CSMD1: variants seen among roughly 807,000 people sequenced by gnomAD.
The protein encoded by CSMD1 is CUB and Sushi multiple domains 1.
CSMD1 carries 213 observed loss-of-function variants against 417.5 expected under a neutral mutation model. The ratio of observed to expected loss-of-function variants is 0.51; its 90% CI spans 0.46 to 0.57. CSMD1 has a LOEUF of 0.57. Among genes scored for constraint, CSMD1 ranks in the 20% least tolerant of loss-of-function variants. CSMD1 has a pLI of 0.00. For synonymous variants in CSMD1, 2,862 were observed against 1,736.8 expected, an observed-to-expected ratio of 1.65 and a Z score of -16.11; for missense variants, 6,923 against 4,529.7, an observed-to-expected ratio of 1.53 and a Z score of -15.17.
At chr8:3,954,452 C>T (rs1017863934) in intron 5 of CSMD1, among the ~76,000 whole-genome samples, 2 of 152,110 alleles carry the variant, frequency 1.3e-5, no homozygotes, top group Non-Finnish European at 2.9e-5. Flanking sequence ...CTGCAACCTC[C>T]TCCTCCCGGG....
intron 1 of CSMD1, among the ~76,000 whole-genome samples, chr8:4,966,478 C>A (rs1809865301): frequency 6.6e-6 from 1 of 152,150 alleles, no homozygotes; most frequent in Non-Finnish European, 1.5e-5. Flanking sequence ...TTCCAGATCT[C>A]AATGGGACAC....
intron 1 of CSMD1, among the ~76,000 whole-genome samples, chr8:4,991,612 G>A (rs997830901): frequency 8.5e-5 from 13 of 152,136 alleles, no homozygotes; most frequent in Non-Finnish European, 1.5e-4. Context: ...GCTCCTCCCC[G>A]GGAAAGCCCT....
At chr8:4,056,358 T>G (rs1194590669) in intron 3 of CSMD1, among the ~76,000 whole-genome samples, 2 of 151,582 alleles carry the variant, frequency 1.3e-5, no homozygotes, top group Non-Finnish European at 2.9e-5. Flanking sequence ...GCTGGGATTA[T>G]AGGCATGAGC....
chr8:4,290,447 T>C (rs1797298301), intron 3 of CSMD1, among the ~76,000 whole-genome samples: 1 of 152,172 alleles, frequency 6.6e-6, no homozygotes, highest in African/African-American at 2.4e-5. Flanking sequence ...CATGCTGTTC[T>C]ATGGGCAATT....
chr8:3,940,852 A>T lies in CSMD1; in HGVS notation c.818+57051T>A, dbSNP rs181703330. ...ACTTAACCCAAGAAGTTTATTAAAAACTAATCATACGCTTCTTCCTTATGC... is the reference window on the plus strand; with the variant it reads ...ACTTAACCCAAGAAGTTTATTAAAATCTAATCATACGCTTCTTCCTTATGC... On this transcript the variant is annotated intron_variant, in intron 5 of 69. Coordinates refer to ENST00000635120, the MANE Select transcript of CSMD1 (RefSeq NM_033225.6). Among the ~76,000 whole-genome samples, 19 of 149,432 alleles carry T rather than the reference A, an allele frequency of 1.3e-4. No homozygotes were observed. The South Asian group carries it at 2.8e-3, about 22-fold the overall frequency.
chr8:3,377,555 C>G (rs765963088), intron 18 of CSMD1, among the ~76,000 whole-genome samples: 6 of 152,142 alleles, frequency 3.9e-5, no homozygotes, highest in Non-Finnish European at 8.8e-5. Context: ...CCTATTGGCT[C>G]TTTTTGGTCT....
intron 31 of CSMD1, among the ~76,000 whole-genome samples, chr8:3,203,273 C>T (rs918689512): frequency 6.6e-6 from 1 of 152,068 alleles, no homozygotes; most frequent in Non-Finnish European, 1.5e-5. Context: ...TGGACATGGC[C>T]CCAACGTCTT....
intron 3 of CSMD1, among the ~76,000 whole-genome samples, chr8:4,403,230 T>C (rs918271430): frequency 6.6e-6 from 1 of 152,182 alleles, no homozygotes. Flanking sequence ...TATGAGAATA[T>C]AAAGATCATT....
At chr8:4,863,104 C>T (rs1289068281) in intron 1 of CSMD1, among the ~76,000 whole-genome samples, 1 of 151,880 alleles carries the variant, frequency 6.6e-6, no homozygotes, top group African/African-American at 2.4e-5. Context: ...AGCTCAGTGG[C>T]TAGGATCATG....
At chr8:3,762,153 TC>T (rs1472630576) in intron 5 of CSMD1, among the ~76,000 whole-genome samples, 1 of 152,040 alleles carries the variant, frequency 6.6e-6, no homozygotes, top group African/African-American at 2.4e-5. Context: ...ATCGCCCCCA[TC>T]CCCTGCTTTC....
chr8:4,379,909 G>A (rs1022842879), intron 3 of CSMD1, among the ~76,000 whole-genome samples: 9 of 152,176 alleles, frequency 5.9e-5, no homozygotes, highest in South Asian at 2.1e-4. Flanking sequence ...CACACTGGAC[G>A]TGAACTCCAT....
At chr8:3,611,658 A>G (rs1000386023) in intron 8 of CSMD1, among the ~76,000 whole-genome samples, 2 of 152,128 alleles carry the variant, frequency 1.3e-5, no homozygotes, top group African/African-American at 4.8e-5. Context: ...TATCATCATG[A>G]GTTTGACAGT....
At chr8:4,770,407 A>C (rs370735285) in intron 1 of CSMD1, among the ~76,000 whole-genome samples, 1 of 149,664 alleles carries the variant, frequency 6.7e-6, no homozygotes, top group East Asian at 1.9e-4. Context: ...TATTATATAT[A>C]TTTCCTAATT....
chr8:3,408,225 A>T lies in CSMD1; in HGVS notation c.1745T>A (p.Phe582Tyr). The change falls in exon 14 of 70, where the codon TTT becomes TAT. Residue 582 changes from phenylalanine to tyrosine, a missense_variant and splice_region_variant. Phe to Tyr is a conservative substitution (Grantham distance 22). Coordinates refer to ENST00000635120, the MANE Select transcript of CSMD1 (RefSeq NM_033225.6). ...TGCCGTAAAGTTGAAGAAACATGAA[A>T]CTGTGAAGATGCAAATATATTTTCA... is the stretch of plus-strand genomic sequence containing the variant. ...QWSGNKPSCV[F>Y]SCFFNFTASS... 1 of 1,590,640 alleles carries T rather than the reference A, an allele frequency of 6.3e-7. No individual in the cohort carries two copies. Among genetic ancestry groups the T allele is most frequent in the Non-Finnish European group, 8.6e-7 (1 of 1,165,844 alleles).
intron 2 of CSMD1, among the ~76,000 whole-genome samples, chr8:4,578,566 C>T (rs1044820609): frequency 1.3e-5 from 2 of 151,310 alleles, no homozygotes; most frequent in Non-Finnish European, 2.9e-5. Context: ...CCTGTAATCT[C>T]GGCATTTTGG....
intron 26 of CSMD1, among the ~76,000 whole-genome samples, chr8:3,259,657 C>T (rs376554150): frequency 5.9e-5 from 9 of 152,092 alleles, no homozygotes; most frequent in African/African-American, 2.2e-4. Flanking sequence ...AAGTGAAATA[C>T]TGGAGTTTCT....
chr8:4,397,699 G>A (rs548989259), intron 3 of CSMD1, among the ~76,000 whole-genome samples: 2 of 151,784 alleles, frequency 1.3e-5, no homozygotes, highest in Non-Finnish European at 2.9e-5. Context: ...ATATTAATAA[G>A]ATTTCAAATT....
Position 3,618,955 on chromosome 8 carries a change from G to A in CSMD1, c.1010-2158C>T, listed in dbSNP as rs906120375. Among the ~76,000 whole-genome samples, 6 of 152,210 alleles carry A rather than the reference G, an allele frequency of 3.9e-5. No homozygotes were observed. The East Asian group carries it at 9.7e-4, about 25-fold the overall frequency. On this transcript the variant is annotated intron_variant, in intron 7 of 69. Coordinates refer to ENST00000635120, the MANE Select transcript of CSMD1 (RefSeq NM_033225.6). ...TGAGAGACTGAGCTCTGTCTTTCCT[G>A]ACTTGCAGGTCAGATGAGGAAGGGC...
At chr8:4,752,895 C>T (rs1454374815) in intron 1 of CSMD1, among the ~76,000 whole-genome samples, 1 of 152,168 alleles carries the variant, frequency 6.6e-6, no homozygotes. Context: ...AGATCCTGCA[C>T]CACACTTTCC....
Sources: gnomAD v4.1 joint callset for allele counts (sites outside exome capture counted in the v4.1 genomes callset) on GRCh38, gnomAD v4.1.1 for gene constraint, MANE v1.5 for transcripts, NCBI Gene and HGNC (gene_info 2026-07-23, HGNC 2026-07-21) for gene names.